Variants in FRMPD4 observed in about 807,000 individuals in gnomAD.
FRMPD4 encodes the protein FERM and PDZ domain-containing protein 4.
FRMPD4 carries 22 observed loss-of-function variants against 94.1 expected under a neutral mutation model. The observed-to-expected ratio is 0.23, with a 90% CI of 0.17 to 0.33. The LOEUF (loss-of-function observed/expected upper bound fraction) is 0.33, where lower values mean the gene tolerates loss of function less well. FRMPD4 is among the 10% of genes least tolerant of loss of function. The pLI is 1.00. For missense variants in FRMPD4, 1,111 were observed against 1,339.9 expected, an observed-to-expected ratio of 0.83 and a Z score of 2.67; for synonymous variants, 631 against 548.6, an observed-to-expected ratio of 1.15 and a Z score of -2.10.
At chrX:11,962,052 G>T (rs1601858601) in intron 3 of FRMPD4, among the ~76,000 whole-genome samples, 1 of 112,693 alleles carries the variant, frequency 8.9e-6, no homozygotes. Context: ...AAGGGAAGAC[G>T]TTGGAATTAT....
chrX:12,450,804 T>C (rs2057256724), intron 1 of FRMPD4, among the ~76,000 whole-genome samples: 1 of 100,952 alleles, frequency 9.9e-6, no homozygotes, highest in South Asian at 4.9e-4. Flanking sequence ...CCCAGAATAA[T>C]TGCCAATAAA....
intron 1 of FRMPD4, among the ~76,000 whole-genome samples, chrX:12,145,867 A>C: frequency 8.9e-6 from 1 of 112,120 alleles, no homozygotes; most frequent in African/African-American, 3.2e-5. Flanking sequence ...TTCACCCTGA[A>C]CACAGTCACC....
intron 1 of FRMPD4, among the ~76,000 whole-genome samples, chrX:12,172,464 A>T (rs16998904): frequency 0.066 from 7,391 of 111,336 alleles, 427 homozygotes; most frequent in African/African-American, 0.18. Context: ...CTGCTTAAAC[A>T]AGACCTTTTC....
intron 2 of FRMPD4, among the ~76,000 whole-genome samples, chrX:12,525,525 T>C (rs1480534081): frequency 8.9e-6 from 1 of 111,941 alleles, no homozygotes; most frequent in African/African-American, 3.3e-5. Flanking sequence ...TGAAGGAAAT[T>C]ATTTCACCCC....
At chrX:11,861,967 G>C (rs935972731) in intron 1 of FRMPD4, among the ~76,000 whole-genome samples, 41 of 111,515 alleles carry the variant, frequency 3.7e-4, no homozygotes, top group African/African-American at 1.3e-3. Flanking sequence ...AATTATGGCA[G>C]AAGGCAAAGG....
chrX:12,288,464 T>A (rs553439290), intron 1 of FRMPD4, among the ~76,000 whole-genome samples: 8 of 111,704 alleles, frequency 7.2e-5, no homozygotes, highest in Middle Eastern at 4.7e-3. Context: ...GCTTGGGTGC[T>A]ATGCCTTAGT....
intron 1 of FRMPD4, among the ~76,000 whole-genome samples, chrX:12,387,669 A>G (rs1282587874): frequency 9.1e-6 from 1 of 110,371 alleles, no homozygotes; most frequent in Non-Finnish European, 1.9e-5. Flanking sequence ...AAATTGATAT[A>G]TGGGTATCAT....
chrX:12,187,799 A>G (rs1209128324), intron 1 of FRMPD4, among the ~76,000 whole-genome samples: 1 of 111,817 alleles, frequency 8.9e-6, no homozygotes, highest in Non-Finnish European at 1.9e-5. Flanking sequence ...ATACACATAC[A>G]TTTGTGTGTA....
chrX:12,298,057 G>GT (rs2054800390), intron 1 of FRMPD4, among the ~76,000 whole-genome samples: 1 of 112,097 alleles, frequency 8.9e-6, no homozygotes, highest in African/African-American at 3.2e-5. Context: ...GAGAAGAGAG[G>GT]AAAGTGCCTC....
At chrX:12,636,420 C>T (rs1172523349) in intron 4 of FRMPD4, among the ~76,000 whole-genome samples, 2 of 111,544 alleles carry the variant, frequency 1.8e-5, no homozygotes, top group South Asian at 3.7e-4. Context: ...TGTTTCACTC[C>T]CAGAGTGGAG....
At chrX:12,187,395 C>A (rs1741370548) in intron 1 of FRMPD4, among the ~76,000 whole-genome samples, 1 of 112,027 alleles carries the variant, frequency 8.9e-6, no homozygotes, top group African/African-American at 3.2e-5. Context: ...AGAACTGTAT[C>A]AAATTTACCT....
At chrX:11,970,277 G>T (rs1358517231) in intron 3 of FRMPD4, among the ~76,000 whole-genome samples, 2 of 111,966 alleles carry the variant, frequency 1.8e-5, no homozygotes, top group East Asian at 5.6e-4. Flanking sequence ...TCTTCCTGGG[G>T]TCTATCTGGT....
chrX:12,541,221 G>A (rs1435097524), intron 2 of FRMPD4, among the ~76,000 whole-genome samples: 2 of 111,165 alleles, frequency 1.8e-5, no homozygotes, highest in Non-Finnish European at 3.8e-5. Context: ...CTAGCAGAAG[G>A]CAAGAAATAA....
intron 1 of FRMPD4, among the ~76,000 whole-genome samples, chrX:11,838,071 CT>C (rs113454436): frequency 5.4e-5 from 6 of 110,983 alleles, no homozygotes; most frequent in African/African-American, 9.8e-5. Context: ...GTTGAAGACA[CT>C]TTTTTTTACA....
intron 2 of FRMPD4, among the ~76,000 whole-genome samples, chrX:11,875,623 A>G (rs924965740): frequency 2.7e-5 from 3 of 111,699 alleles, no homozygotes; most frequent in African/African-American, 9.8e-5. Flanking sequence ...AGAAGGGGAC[A>G]CAGTTCACCC....
chrX:12,102,795 G>A (rs780255420), intron 3 of FRMPD4, among the ~76,000 whole-genome samples: 10 of 109,568 alleles, frequency 9.1e-5, no homozygotes, highest in African/African-American at 1.3e-4. Context: ...TTTTCCTGGC[G>A]ATACTAGATT....
chrX:12,188,357 C>T (rs2056449106), intron 1 of FRMPD4, among the ~76,000 whole-genome samples: 1 of 111,414 alleles, frequency 9.0e-6, no homozygotes, highest in South Asian at 3.8e-4. Flanking sequence ...AGTAATAGCA[C>T]CTAATGCATA....
chrX:12,629,874 G>A (rs2059380176), intron 4 of FRMPD4, among the ~76,000 whole-genome samples: 1 of 112,376 alleles, frequency 8.9e-6, no homozygotes, highest in African/African-American at 3.2e-5. Context: ...GGAGATTGGA[G>A]CACAAGCCTG....
chrX:12,127,017 C>T (rs2055506283), intron 3 of FRMPD4, among the ~76,000 whole-genome samples: 2 of 112,181 alleles, frequency 1.8e-5, no homozygotes, highest in Admixed American at 1.9e-4. Flanking sequence ...AATGGTAGGT[C>T]CATGGTGTGA....
Sources: allele counts gnomAD v4.1 joint callset (sites outside exome capture counted in the v4.1 genomes callset), GRCh38; gene constraint gnomAD v4.1.1; transcripts MANE v1.5; gene names NCBI Gene and HGNC (gene_info 2026-07-23, HGNC 2026-07-21).